CCDC38: variants seen among roughly 807,000 people sequenced by gnomAD.
The protein encoded by CCDC38 is coiled-coil domain-containing protein 38.
CCDC38 carries 69 observed loss-of-function variants against 72.8 expected under a neutral mutation model. That is an observed-to-expected ratio of 0.95 (90% CI 0.78 to 1.16). The LOEUF (loss-of-function observed/expected upper bound fraction) is 1.16. CCDC38 is among the 50% of genes most tolerant of loss of function. CCDC38 has a pLI of 0.00. For synonymous variants in CCDC38, 201 were observed against 213.2 expected, an observed-to-expected ratio of 0.94 and a Z score of 0.50; for missense variants, 626 against 638.9, an observed-to-expected ratio of 0.98 and a Z score of 0.22.
intron 9 of CCDC38, chr12:95,889,007 C>T (rs2079792271): frequency 5.8e-6 from 1 of 173,538 alleles, no homozygotes; most frequent in African/African-American, 2.5e-5. Context: ...GGTCCCATCA[C>T]CATCTTATTA....
chr12:95,899,243 C>A (rs1228144571), intron 5 of CCDC38, among the ~76,000 whole-genome samples: 1 of 152,196 alleles, frequency 6.6e-6, no homozygotes, highest in Admixed American at 6.5e-5. Context: ...TGACATCTGC[C>A]TTCTAGTTCC....
Position 95,898,708 on chromosome 12 carries a change from G to A in CCDC38, c.393C>T (p.Asn131=). 6.2e-7 allele frequency: 1 copy of A among 1,613,658 alleles called. No homozygotes were observed. Among genetic ancestry groups the A allele is most frequent in the Non-Finnish European group, 8.5e-7 (1 of 1,179,886 alleles). The change falls in exon 6 of 16, where the codon AAC becomes AAT. Residue 131 remains asparagine, a synonymous_variant. Transcript: ENST00000344280. ...LLEYALSTKR[N]TIKKFEKDIA... is the part of the protein sequence containing the mutation. ...TGTCTTTTTCAAACTTTTTGATTGT[G>A]TTTCTTTTGGTTGACAAAGCATACT...
chr12:95,891,113 TAATATGCAGATGGTAATATGCAAACAC>T (rs2079821880), intron 8 of CCDC38, among the ~76,000 whole-genome samples, 183 bp from the exon 9 acceptor site: 2 of 152,272 alleles, frequency 1.3e-5, no homozygotes, highest in Admixed American at 6.5e-5. Context: ...TATGCAAACA[TAATATGCAGATGGTAATATGCAAACAC>T]AATATGCAGA....
intron 8 of CCDC38, among the ~76,000 whole-genome samples, chr12:95,894,608 G>A (rs963138699): frequency 3.3e-5 from 5 of 151,972 alleles, no homozygotes; most frequent in East Asian, 1.9e-4. Flanking sequence ...TCCCCTCCCC[G>A]TTGCTTCTCC....
At chr12:95,905,284 T>C (rs757988584) in intron 5 of CCDC38, among the ~76,000 whole-genome samples, 80 of 152,230 alleles carry the variant, frequency 5.3e-4, no homozygotes, top group South Asian at 1.2e-3. Context: ...TTTTGATAAG[T>C]GGACACTTCA....
At chr12:95,882,199 CTGT>C (rs1450570038) in intron 10 of CCDC38, among the ~76,000 whole-genome samples, 2 of 152,098 alleles carry the variant, frequency 1.3e-5, no homozygotes, top group African/African-American at 2.4e-5. Flanking sequence ...AGTAAGTTGG[CTGT>C]TGTTGTGATC....
Position 95,879,674 on chromosome 12 carries a change from T to C in CCDC38, c.1112A>G (p.Asn371Ser). The C allele has an allele frequency of 6.2e-7, 1 of 1,600,834 alleles. No individual in the cohort carries two copies. The highest frequency in any genetic ancestry group is 8.6e-7 in the Non-Finnish European group (1 of 1,169,414). The change falls in exon 12 of 16, where the codon AAC becomes AGC. Residue 371 changes from asparagine to serine, a missense_variant. Asn to Ser is a conservative substitution (Grantham distance 46). Transcript: ENST00000344280. The surrounding 1 kb of genome is among the most constrained non-coding windows in gnomAD (Gnocchi z 5.5). ...ATCCTGTATAACTTTTTCTCTTTTG[T>C]TTACCTCTTCAAGATTTTCATCTAC... ...QDVDENLEEV[N>S]KREKVIQDKT... is the part of the protein sequence containing the mutation.
intron 4 of CCDC38, among the ~76,000 whole-genome samples, chr12:95,916,398 TTCC>T (rs2080145179): frequency 6.6e-6 from 1 of 151,814 alleles, no homozygotes; most frequent in Non-Finnish European, 1.5e-5. Flanking sequence ...CCTTCCTTCC[TTCC>T]TTCCTTCCTT....
chr12:95,902,470 G>A (rs1191480574), intron 5 of CCDC38, among the ~76,000 whole-genome samples: 1 of 152,052 alleles, frequency 6.6e-6, no homozygotes, highest in African/African-American at 2.4e-5. Context: ...TGAAATTATA[G>A]TATGAACTAT....
intron 8 of CCDC38, among the ~76,000 whole-genome samples, chr12:95,892,570 C>A (rs1360900410): frequency 6.7e-6 from 1 of 150,146 alleles, no homozygotes; most frequent in Non-Finnish European, 1.5e-5. Flanking sequence ...AGCCACTGTA[C>A]CTGGCTTAAA....
intron 1 of CCDC38, among the ~76,000 whole-genome samples, chr12:95,941,309 A>G (rs1052226395): frequency 1.3e-5 from 2 of 152,250 alleles, no homozygotes; most frequent in Non-Finnish European, 2.9e-5. Context: ...TTGGCCAGGA[A>G]GACAAATAGC....
At chr12:95,919,745 C>G (rs944594464) in intron 2 of CCDC38, 1 of 396,312 alleles carries the variant, frequency 2.5e-6, no homozygotes, top group Non-Finnish European at 5.1e-6. Context: ...CTTACACCAC[C>G]ATTTCAACAG....
rs67478657 is a variant in CCDC38 at position 95,892,081 on chromosome 12, C to CTTTT, written c.773-1155_773-1152dup. ...TTCCCCTCTCCAAGGGATCACTCTGCTTTTTTTTTTTTTTTTTTTTTGAGA... is the reference window on the plus strand; with the variant it reads ...TTCCCCTCTCCAAGGGATCACTCTGCTTTTTTTTTTTTTTTTTTTTTTTTTGAGA... On this transcript the variant is annotated intron_variant, in intron 8 of 15. Transcript: ENST00000344280. 4.9e-3 allele frequency among the ~76,000 whole-genome samples: 483 copies of CTTTT among 97,950 alleles called. 17 individuals carry two copies. In the East Asian group the frequency reaches 0.068, roughly 14 times the overall value. The allele number at this position is 97,950 out of a possible 152,430, so 64.3% of individuals were successfully genotyped here.
chr12:95,879,588 A>C lies in CCDC38; in HGVS notation c.1142+56T>G. 7.8e-7 allele frequency: 1 copy of C among 1,290,154 alleles called. No homozygotes were observed. The highest frequency in any genetic ancestry group is 1.1e-6 in the Non-Finnish European group (1 of 919,630). 79.9% of individuals were successfully genotyped at this position (1,290,154 alleles called of 1,614,324 possible). A position where few individuals can be genotyped will look rare whatever the true frequency, so the allele number is the denominator to read the frequency against. ...AGCCACATGTGAGTGAGTTGGACCC[A>C]GGCTCTGGTTAGAAATTGCTTAATG... On this transcript the variant is annotated intron_variant, in intron 12 of 15. Coordinates refer to ENST00000344280, the MANE Select transcript of CCDC38 (RefSeq NM_182496.3). This position sits in a 1 kb window ranked among gnomAD's most constrained non-coding sequence, Gnocchi z 5.5.
At position 95,898,682 on chromosome 12, in the gene CCDC38, ATGTCTT is replaced by A. The variant is rs2079919184; in HGVS notation, c.413_418del (p.Lys138_Asp139del). 3 of 1,614,038 alleles carry A rather than the reference ATGTCTT, an allele frequency of 1.9e-6. No individual in the cohort carries two copies. Among genetic ancestry groups the A allele is most frequent in the Non-Finnish European group, 2.5e-6 (3 of 1,179,998 alleles). ...TTTTAGTTGCCGTTCCCTCATTGCT[ATGTCTT>A]TTTCAAACTTTTTGATTGTGTTTCT... is the stretch of plus-strand genomic sequence containing the variant. On this transcript the variant is annotated inframe_deletion, in exon 6 of 16. Transcript: ENST00000344280.
chr12:95,902,496 TA>T (rs1443403590), intron 5 of CCDC38, among the ~76,000 whole-genome samples: 2 of 152,222 alleles, frequency 1.3e-5, no homozygotes, highest in East Asian at 3.8e-4. Context: ...TGTCTGGATT[TA>T]TAAACTTAGT....
intron 11 of CCDC38, among the ~76,000 whole-genome samples, chr12:95,880,834 C>G (rs1328009655): frequency 6.6e-6 from 1 of 151,980 alleles, no homozygotes; most frequent in Admixed American, 6.6e-5. Context: ...TTGCCAGGGG[C>G]TATGGGAGGG....
chr12:95,878,264 A>C lies in CCDC38; in HGVS notation c.1225T>G (p.Leu409Val), dbSNP rs201671899. The change falls in exon 13 of 16, where the codon TTG becomes GTG. Residue 409 changes from leucine to valine, a missense_variant. By Grantham distance (32) the Leu-to-Val change is conservative. Transcript: ENST00000344280. ...CTAAAGAGCTTGGACTTTAATTGCA[A>C]TTCTGCTGCTTTCTCTTCTTCTCTC... ...CVREEEKAAE[L>V]QLKSKLFSFG... The C allele has an allele frequency of 1.2e-6, 2 of 1,613,724 alleles. No individual in the cohort carries two copies. The highest frequency in any genetic ancestry group is 1.7e-4 in the Middle Eastern group (1 of 6,058).
At chr12:95,931,327 G>C (rs1049892049) in intron 2 of CCDC38, among the ~76,000 whole-genome samples, 3 of 152,154 alleles carry the variant, frequency 2.0e-5, no homozygotes, top group Non-Finnish European at 4.4e-5. Flanking sequence ...AGGACTCTTG[G>C]ATTATATTAG....
Sources: allele counts gnomAD v4.1 joint callset (sites outside exome capture counted in the v4.1 genomes callset), GRCh38; gene constraint gnomAD v4.1.1; non-coding constraint Gnocchi (gnomAD v3.1); transcripts MANE v1.5; gene names NCBI Gene and HGNC (gene_info 2026-07-23, HGNC 2026-07-21).